The following TMSB15B variants were observed in gnomAD, a reference collection of about 807,000 sequenced individuals.
The protein encoded by TMSB15B is thymosin beta-15B.
chrX:103,945,768 CA>C (rs2075024006), intron 1 of TMSB15B, among the ~76,000 whole-genome samples: 1 of 112,272 alleles, frequency 8.9e-6, no homozygotes, highest in South Asian at 3.7e-4. Flanking sequence ...GGAAACAGTA[CA>C]TTATTCCATA....
intron 1 of TMSB15B, among the ~76,000 whole-genome samples, chrX:103,925,552 G>T (rs1556318670): frequency 8.9e-6 from 1 of 112,263 alleles, no homozygotes; most frequent in African/African-American, 3.2e-5. Flanking sequence ...GATATAGTAT[G>T]GAGATGACTA....
At position 103,950,830 on chromosome X, in the gene TMSB15B, G is replaced by A. The variant is rs868933727; in HGVS notation, c.-720-11191G>A. Among the ~76,000 whole-genome samples, 10 of 110,717 alleles carry A rather than the reference G, an allele frequency of 9.0e-5. No individual in the cohort carries two copies. In the South Asian group the frequency reaches 3.9e-3, roughly 43 times the overall value. On this transcript the variant is annotated intron_variant, in intron 1 of 3. Transcript: ENST00000419165. ...CAATAGAGAGCACAACATTGATAAT[G>A]CTGGAGTTGGGGGAGAGAAAGAAGG...
intron 1 of TMSB15B, among the ~76,000 whole-genome samples, chrX:103,930,131 T>G (rs1285439939): frequency 9.0e-6 from 1 of 111,388 alleles, no homozygotes. Flanking sequence ...TCAACATATT[T>G]TCACTCCACT....
At chrX:103,935,111 GTGTGTGTT>G (rs1378200520) in intron 1 of TMSB15B, among the ~76,000 whole-genome samples, 1 of 112,325 alleles carries the variant, frequency 8.9e-6, no homozygotes, top group Non-Finnish European at 1.9e-5. Flanking sequence ...GCTTTTTTGT[GTGTGTGTT>G]TGTTGGCCGC....
intron 1 of TMSB15B, chrX:103,931,643 G>T (rs782475068): frequency 8.9e-6 from 1 of 112,671 alleles, no homozygotes; most frequent in African/African-American, 3.2e-5. Flanking sequence ...CATGGTATAT[G>T]TGATACTGTG....
chrX:103,919,363 G>T (rs1313508170), intron 1 of TMSB15B: 1 of 112,524 alleles, frequency 8.9e-6, no homozygotes, highest in Non-Finnish European at 1.9e-5. Flanking sequence ...TCCGGGCTTT[G>T]AGACCGGATG....
At chrX:103,921,007 T>C (rs782210054) in intron 1 of TMSB15B, among the ~76,000 whole-genome samples, 4 of 112,529 alleles carry the variant, frequency 3.6e-5, no homozygotes, top group Non-Finnish European at 7.5e-5. Context: ...TCTTGACTCC[T>C]GATGCTTGGA....
chrX:103,939,149 G>A (rs1231127030), intron 1 of TMSB15B, among the ~76,000 whole-genome samples: 1 of 110,774 alleles, frequency 9.0e-6, no homozygotes, highest in Admixed American at 9.6e-5. Flanking sequence ...TGTTCTTCTC[G>A]AGGAGTATCT....
intron 1 of TMSB15B, among the ~76,000 whole-genome samples, chrX:103,941,481 G>T: frequency 8.9e-6 from 1 of 111,833 alleles, no homozygotes; most frequent in Admixed American, 9.4e-5. Flanking sequence ...AACAGTGTAT[G>T]AGTGTTCCCC....
At chrX:103,953,897 T>C (rs1467212918) in intron 1 of TMSB15B, among the ~76,000 whole-genome samples, 2 of 111,355 alleles carry the variant, frequency 1.8e-5, no homozygotes, top group East Asian at 5.7e-4. Flanking sequence ...AGACCCTAAG[T>C]GCCTTCTCCA....
At chrX:103,955,922 G>A (rs1556329073) in intron 1 of TMSB15B, among the ~76,000 whole-genome samples, 2 of 111,650 alleles carry the variant, frequency 1.8e-5, no homozygotes, top group Non-Finnish European at 3.8e-5. Flanking sequence ...GCAAAGTGAA[G>A]CCCATCAGAC....
intron 1 of TMSB15B, among the ~76,000 whole-genome samples, chrX:103,949,241 A>G (rs1315355740): frequency 1.8e-5 from 2 of 111,608 alleles, no homozygotes; most frequent in Non-Finnish European, 3.8e-5. Flanking sequence ...AGGGACTTTG[A>G]CTCTGACTCC....
chrX:103,934,269 C>G (rs188320106), intron 1 of TMSB15B, among the ~76,000 whole-genome samples: 71 of 111,129 alleles, frequency 6.4e-4, no homozygotes, highest in African/African-American at 2.3e-3. Flanking sequence ...GATTATTTCA[C>G]TTCACATTTC....
intron 1 of TMSB15B, among the ~76,000 whole-genome samples, chrX:103,949,287 G>A (rs1368613748): frequency 2.7e-5 from 3 of 111,988 alleles, no homozygotes; most frequent in African/African-American, 9.7e-5. Flanking sequence ...ATTTTGAGCA[G>A]AGAAATGTCA....
At chrX:103,931,251 A>C (rs2074984139) in intron 1 of TMSB15B, 1 of 112,108 alleles carries the variant, frequency 8.9e-6, no homozygotes, top group African/African-American at 3.2e-5. Flanking sequence ...AAAAAGATGC[A>C]TTTATCTCCT....
chrX:103,923,880 G>A (rs1404622688), intron 1 of TMSB15B, among the ~76,000 whole-genome samples: 2 of 110,873 alleles, frequency 1.8e-5, no homozygotes, highest in African/African-American at 6.6e-5. Flanking sequence ...TTATTTCGTT[G>A]AGCAGTGCTT....
intron 1 of TMSB15B, chrX:103,930,949 A>G (rs1435973518): frequency 3.6e-5 from 4 of 110,913 alleles, no homozygotes; most frequent in Non-Finnish European, 7.5e-5. Context: ...CCCTACAGAT[A>G]TCTCAGTAAT....
intron 1 of TMSB15B, among the ~76,000 whole-genome samples, chrX:103,922,076 T>C (rs1431326434): frequency 9.2e-6 from 1 of 108,390 alleles, no homozygotes; most frequent in East Asian, 2.9e-4. Context: ...ATTATCTCTC[T>C]CTCTCTCTCT....
intron 1 of TMSB15B, among the ~76,000 whole-genome samples, chrX:103,933,834 CTT>C (rs371065088): frequency 1.5e-4 from 15 of 97,198 alleles, no homozygotes; most frequent in Admixed American, 2.3e-4. Flanking sequence ...CTTTTTCTCT[CTT>C]TTTTTTTTTT....
Sources: gnomAD v4.1 joint callset for allele counts (sites outside exome capture counted in the v4.1 genomes callset) on GRCh38, gnomAD v4.1.1 for gene constraint, MANE v1.5 for transcripts, NCBI Gene and HGNC (gene_info 2026-07-23, HGNC 2026-07-21) for gene names.